The following WDFY3 variants were observed in gnomAD, a reference collection of about 807,000 sequenced individuals.
WDFY3 encodes the protein WD repeat and FYVE domain-containing protein 3.
Under a neutral mutation model 409.6 loss-of-function variants are expected in WDFY3, and 66 were observed. That is an observed-to-expected ratio of 0.16 (90% CI 0.13 to 0.20). The LOEUF (loss-of-function observed/expected upper bound fraction) is 0.20. WDFY3 is among the 10% of genes least tolerant of loss of function. The probability of loss-of-function intolerance (pLI) is 1.00; values close to 1 mark genes in which losing one functional copy is unlikely to be tolerated. For missense variants in WDFY3, 3,031 were observed against 4,298.1 expected (o/e 0.71, Z 8.24); for synonymous variants, 1,521 against 1,537.1 (o/e 0.99, Z 0.25).
At chr4:84,915,672 C>A (rs1768381674) in intron 2 of WDFY3, among the ~76,000 whole-genome samples, 1 of 152,162 alleles carries the variant, frequency 6.6e-6, no homozygotes, top group Non-Finnish European at 1.5e-5. Context: ...ATTTCCACAT[C>A]TAGAATTCTC....
intron 2 of WDFY3, among the ~76,000 whole-genome samples, chr4:84,919,219 C>G (rs1768929743): frequency 6.6e-6 from 1 of 151,886 alleles, no homozygotes; most frequent in Admixed American, 6.6e-5. Context: ...AAATAGGAAA[C>G]CATAAATTCA....
rs761410541 is a variant in WDFY3 at position 84,821,207 on chromosome 4, T to C, written c.1468A>G (p.Thr490Ala). ...IIAMKTLLKF[T>A]RHDYIFKDVF... is the part of the protein sequence containing the mutation. Reference sequence around the variant, plus strand: ...TCTTTAAATATGTAGTCATGTCTTGTAAACTTAAGAAGTGTTTTCATTGCA... The same window carrying C: ...TCTTTAAATATGTAGTCATGTCTTGCAAACTTAAGAAGTGTTTTCATTGCA... The change falls in exon 11 of 68, where the codon ACA becomes GCA. Residue 490 changes from threonine to alanine, a missense_variant. Around this residue, in one of 16 missense-constraint regions of WDFY3, gnomAD observed 1,322 missense variants for 1,697.9 expected, o/e 0.78. Transcript: ENST00000295888. The C allele has an allele frequency of 3.1e-6, 5 of 1,613,796 alleles. No individual in the cohort carries two copies. The Admixed American group carries it at 6.7e-5, about 22-fold the overall frequency.
intron 15 of WDFY3, among the ~76,000 whole-genome samples, chr4:84,806,020 A>T (rs1751440767): frequency 6.6e-6 from 1 of 152,210 alleles, no homozygotes; most frequent in South Asian, 2.1e-4. Flanking sequence ...TACATGTCAG[A>T]CAAGTATCAC....
chr4:84,677,857 AG>A (rs1726582803), intron 66 of WDFY3, among the ~76,000 whole-genome samples: 1 of 140,782 alleles, frequency 7.1e-6, no homozygotes, highest in African/African-American at 2.7e-5. Flanking sequence ...CAGTTATTTG[AG>A]GGGCAGAGGT....
chr4:84,749,022 T>C (rs1246091326), intron 36 of WDFY3, among the ~76,000 whole-genome samples: 1 of 151,944 alleles, frequency 6.6e-6, no homozygotes, highest in African/African-American at 2.4e-5. Context: ...CTCCAGTAGG[T>C]AGGATACAGG....
intron 54 of WDFY3, 86 bp downstream of exon 54, chr4:84,705,308 G>A (rs971060848): frequency 4.1e-6 from 4 of 966,644 alleles, no homozygotes; most frequent in Admixed American, 2.0e-5. Flanking sequence ...GCAATTTGAA[G>A]GAGGATGTAG....
intron 3 of WDFY3, among the ~76,000 whole-genome samples, chr4:84,882,270 T>C (rs1763638694): frequency 6.6e-6 from 1 of 152,136 alleles, no homozygotes; most frequent in Non-Finnish European, 1.5e-5. Context: ...TAAAAGCATG[T>C]TAGGATTTAT....
chr4:84,858,843 G>A (rs1337186225), intron 4 of WDFY3, among the ~76,000 whole-genome samples: 1 of 151,886 alleles, frequency 6.6e-6, no homozygotes, highest in Non-Finnish European at 1.5e-5. Context: ...TCTGGAAAAA[G>A]GGGAGAAGAA....
intron 46 of WDFY3, 63 bp from the exon 47 acceptor site, chr4:84,721,635 G>A: frequency 2.5e-6 from 4 of 1,571,102 alleles, no homozygotes; most frequent in Non-Finnish European, 2.6e-6. Flanking sequence ...AAGCAGTTTA[G>A]TCTCATGTAG....
At chr4:84,945,741 T>C (rs913681243) in intron 1 of WDFY3, among the ~76,000 whole-genome samples, 3 of 152,190 alleles carry the variant, frequency 2.0e-5, no homozygotes, top group Non-Finnish European at 4.4e-5. Context: ...AACGTGGTGA[T>C]GGTGGAGGTG....
Position 84,740,340 on chromosome 4 carries a change from G to A in WDFY3, c.6311C>T (p.Ser2104Leu). ...CTGAGGAACGGTTTTGTGTGCCCGT[G>A]AGAACTGGTACAAGATGGTCCTATT... ...CLNRTILYQF[S>L]RAHKTVPQQV... Residue 2104 changes from serine (S) to leucine (L), a missense_variant, in exon 39 of 68, where the codon TCA (serine) becomes TTA (leucine). Transcript: ENST00000295888. 6.2e-7 allele frequency: 1 copy of A among 1,614,104 alleles called. No homozygotes were observed. The highest frequency in any genetic ancestry group is 8.5e-7 in the Non-Finnish European group (1 of 1,180,016).
intron 51 of WDFY3, 61 bp from the exon 52 acceptor site, chr4:84,709,408 T>C: frequency 1.3e-6 from 2 of 1,502,088 alleles, no homozygotes; most frequent in East Asian, 2.3e-5. Flanking sequence ...TGAAAAATTA[T>C]AAAGTTGAAA....
intron 45 of WDFY3, 125 bp from the exon 46 acceptor site, chr4:84,724,719 G>A (rs1308721339): frequency 5.1e-5 from 45 of 879,300 alleles, no homozygotes; most frequent in Non-Finnish European, 6.4e-5. Flanking sequence ...TAGACTGTAT[G>A]TATATACAGT....
intron 4 of WDFY3, among the ~76,000 whole-genome samples, chr4:84,859,521 A>T (rs1760262088): frequency 6.6e-6 from 1 of 152,224 alleles, no homozygotes; most frequent in African/African-American, 2.4e-5. Context: ...CTGTGAAACT[A>T]TCTGACTTTT....
chr4:84,726,470 C>G (rs1735676917), intron 45 of WDFY3, among the ~76,000 whole-genome samples: 1 of 152,058 alleles, frequency 6.6e-6, no homozygotes, highest in East Asian at 1.9e-4. Context: ...GTTGCATTCT[C>G]AAAATATACA....
At chr4:84,782,113 C>T (rs560810420) in intron 25 of WDFY3, among the ~76,000 whole-genome samples, 52 of 152,234 alleles carry the variant, frequency 3.4e-4, no homozygotes, top group African/African-American at 1.2e-3. Flanking sequence ...TTTAAGCAGA[C>T]ATGTACAAGG....
At chr4:84,772,750 T>C (rs2149433497) in intron 30 of WDFY3, 85 bp downstream of exon 30, 1 of 1,032,290 alleles carries the variant, frequency 9.7e-7, no homozygotes, top group African/African-American at 1.6e-5. Flanking sequence ...TAATCACATG[T>C]AATTCAGGTC....
At chr4:84,912,216 A>G (rs1767889239) in intron 2 of WDFY3, among the ~76,000 whole-genome samples, 1 of 152,212 alleles carries the variant, frequency 6.6e-6, no homozygotes, top group African/African-American at 2.4e-5. Flanking sequence ...AAAAGTCATG[A>G]CATAACAAGG....
intron 8 of WDFY3, among the ~76,000 whole-genome samples, chr4:84,830,488 T>C (rs946139495): frequency 2.0e-5 from 3 of 152,208 alleles, no homozygotes; most frequent in Non-Finnish European, 4.4e-5. Flanking sequence ...GTGTATTAAA[T>C]GCGTTTTCGA....
Sources: gnomAD v4.1 joint callset for allele counts (sites outside exome capture counted in the v4.1 genomes callset) on GRCh38, gnomAD v4.1.1 for gene constraint, gnomAD v4.1.1 regional missense constraint, MANE v1.5 for transcripts, NCBI Gene and HGNC (gene_info 2026-07-23, HGNC 2026-07-21) for gene names.